The following TULP3 variants were observed in gnomAD, a reference collection of about 807,000 sequenced individuals.
TULP3 encodes tubby-related protein 3.
Under a neutral mutation model 50.7 loss-of-function variants are expected in TULP3, and 38 were observed. The ratio of observed to expected loss-of-function variants is 0.75; its 90% confidence interval spans 0.58 to 0.98. The LOEUF is 0.98. Among genes scored for constraint, TULP3 ranks in the 50% least tolerant of loss-of-function variants. The pLI is 0.00. For synonymous variants in TULP3, 183 were observed against 196.6 expected, an observed-to-expected ratio of 0.93 and a Z score of 0.58; for missense variants, 550 against 568.0, an observed-to-expected ratio of 0.97 and a Z score of 0.32.
chr12:2,911,895 G>A (rs1252091472), intron 2 of TULP3, among the ~76,000 whole-genome samples: 1 of 151,576 alleles, frequency 6.6e-6, no homozygotes, highest in Non-Finnish European at 1.5e-5. Context: ...AGGCTGAGGA[G>A]GAAGGATCCC....
In TULP3 at chr12:2,940,079, T is replaced by C. The variant is rs1262487412; in HGVS notation, c.*635T>C. ...GGCTGTGATCACATTTGTGATCAAT[T>C]ATGTGAGAATTTTATATAATTGTCT... On this transcript the variant is annotated 3_prime_UTR_variant, in exon 11 of 11. Transcript: ENST00000448120. The C allele has an allele frequency of 7.8e-7, 1 of 1,289,418 alleles. No individual in the cohort carries two copies. The highest frequency in any genetic ancestry group is 2.3e-5 in the Admixed American group (1 of 43,540). 79.9% of individuals were successfully genotyped at this position (1,289,418 alleles called of 1,614,324 possible). A position where few individuals can be genotyped will look rare whatever the true frequency, so the allele number is the denominator to read the frequency against.
At chr12:2,936,458 C>G (rs2098201318) in intron 8 of TULP3, among the ~76,000 whole-genome samples, 1 of 150,466 alleles carries the variant, frequency 6.6e-6, no homozygotes, top group South Asian at 2.1e-4. Context: ...ATTTAAGACT[C>G]AAGAGTAAGA....
At chr12:2,912,967 TTC>T (rs1449197975) in intron 2 of TULP3, among the ~76,000 whole-genome samples, 10 of 116,546 alleles carry the variant, frequency 8.6e-5, no homozygotes, top group East Asian at 2.9e-4. Flanking sequence ...CCTTAACACG[TTC>T]TTTTTTTTTT....
intron 1 of TULP3, among the ~76,000 whole-genome samples, chr12:2,892,580 C>T (rs1428637091): frequency 6.6e-6 from 1 of 151,972 alleles, no homozygotes; most frequent in Admixed American, 6.6e-5. Flanking sequence ...GGTGCGATCT[C>T]GGCTAACTGC....
chr12:2,939,626 A>C lies in TULP3; in HGVS notation c.*182A>C. 1 of 1,399,830 alleles carries C rather than the reference A, an allele frequency of 7.1e-7. No individual in the cohort carries two copies. The highest frequency in any genetic ancestry group is 2.6e-4 in the Middle Eastern group (1 of 3,792). 86.7% of individuals were successfully genotyped at this position (1,399,830 alleles called of 1,614,324 possible). A position where few individuals can be genotyped will look rare whatever the true frequency, so the allele number is the denominator to read the frequency against. ...TTTGCCCCTTTTGGAACGACCCCTG[A>C]ATATATAAAACACACACACGAAGAG... On this transcript the variant is annotated 3_prime_UTR_variant, in exon 11 of 11. Transcript: ENST00000448120. This position sits in a 1 kb window ranked among gnomAD's most constrained non-coding sequence, Gnocchi z 4.0.
Position 2,890,986 on chromosome 12 carries a change from C to A in TULP3, c.39C>A (p.Asp13Glu). Residue 13 changes from aspartate to glutamate, a missense_variant and splice_region_variant, in exon 1 of 11, where the codon GAC (aspartate) becomes GAA (glutamate). Physicochemically the swap from Asp to Glu is conservative, Grantham distance 45. Transcript: ENST00000448120. ...ASRCRLSPSG[D>E]SVFHEEMMKM... is the part of the protein sequence containing the mutation. ...GCTGCCGGCTCAGTCCCAGCGGCGA[C>A]AGGTCAGACAGGGCCGTGGCAGGTC... The A allele has an allele frequency of 6.3e-7, 1 of 1,590,520 alleles. No individual in the cohort carries two copies. Among genetic ancestry groups the A allele is most frequent in the Non-Finnish European group, 8.6e-7 (1 of 1,169,396 alleles).
chr12:2,900,513 T>C (rs1318130039), intron 1 of TULP3, among the ~76,000 whole-genome samples: 2 of 152,150 alleles, frequency 1.3e-5, no homozygotes, highest in East Asian at 3.9e-4. Flanking sequence ...ATGGCAAGCT[T>C]TCCTATTCTG....
At chr12:2,929,029 TC>T (rs2098196250) in intron 4 of TULP3, among the ~76,000 whole-genome samples, 1 of 150,894 alleles carries the variant, frequency 6.6e-6, no homozygotes, top group Non-Finnish European at 1.5e-5. Context: ...AGCCTTCCCT[TC>T]CCTTCCAAAT....
At position 2,934,573 on chromosome 12, in the gene TULP3, T is replaced by C; in HGVS notation, c.924+12T>C. 1 of 1,547,176 alleles carries C rather than the reference T, an allele frequency of 6.5e-7. No individual in the cohort carries two copies. The highest frequency in any genetic ancestry group is 8.7e-7 in the Non-Finnish European group (1 of 1,145,318). On this transcript the variant is annotated intron_variant, in intron 8 of 10. Transcript: ENST00000448120. ...CTGCCATCTCCTATGTGAGTGCTGC[T>C]TTCCCAGGGCCGCTGCCTGCCCTCC...
At chr12:2,900,512 T>C (rs2098178505) in intron 1 of TULP3, among the ~76,000 whole-genome samples, 1 of 152,172 alleles carries the variant, frequency 6.6e-6, no homozygotes, top group African/African-American at 2.4e-5. Context: ...GATGGCAAGC[T>C]TTCCTATTCT....
At chr12:2,910,473 G>T (rs1481948271) in intron 2 of TULP3, among the ~76,000 whole-genome samples, 1 of 152,158 alleles carries the variant, frequency 6.6e-6, no homozygotes, top group Admixed American at 6.5e-5. Context: ...ACAAAGGAAG[G>T]ACTAAATGAA....
chr12:2,938,426 A>G, intron 10 of TULP3, 141 bp downstream of exon 10: 1 of 1,032,442 alleles, frequency 9.7e-7, no homozygotes, highest in South Asian at 1.7e-5. Context: ...GGAAAGATGA[A>G]ACTACAGTTT....
At chr12:2,928,624 G>A (rs1344167269) in intron 4 of TULP3, among the ~76,000 whole-genome samples, 1 of 151,882 alleles carries the variant, frequency 6.6e-6, no homozygotes, top group Non-Finnish European at 1.5e-5. Context: ...TTTTACTGTG[G>A]TAAAATATGC....
rs952372300 is a variant in TULP3, at chr12:2,937,969, T to TA, written c.1024-137dup. On this transcript the variant is annotated intron_variant, in intron 9 of 10. Transcript: ENST00000448120. Reference sequence around the variant, plus strand: ...AATGCTGGATGATGTAGAATAATTTTAAAAAAAACCTGTCTTCATTGTTGG... The same window carrying TA: ...AATGCTGGATGATGTAGAATAATTTTAAAAAAAAACCTGTCTTCATTGTTGG... 1.5e-4 allele frequency: 155 copies of TA among 1,000,716 alleles called. 1 individual carries two copies. The highest frequency in any genetic ancestry group is 4.6e-4 in the Admixed American group (16 of 35,160). The allele number at this position is 1,000,716 out of a possible 1,614,324, so 62.0% of individuals were successfully genotyped here.
At chr12:2,893,942 C>T (rs904923174) in intron 1 of TULP3, among the ~76,000 whole-genome samples, 5 of 151,962 alleles carry the variant, frequency 3.3e-5, no homozygotes, top group African/African-American at 1.2e-4. Flanking sequence ...CCAGGCTTGG[C>T]CTATTTTCTT....
At chr12:2,918,546 AC>A (rs1201064637) in intron 2 of TULP3, among the ~76,000 whole-genome samples, 6 of 151,668 alleles carry the variant, frequency 4.0e-5, no homozygotes, top group African/African-American at 1.2e-4. Flanking sequence ...CAGGCAAGTT[AC>A]TTTTTTTTTT....
intron 1 of TULP3, among the ~76,000 whole-genome samples, chr12:2,903,740 C>T (rs2098180588): frequency 6.6e-6 from 1 of 151,986 alleles, no homozygotes; most frequent in Admixed American, 6.6e-5. Flanking sequence ...TCCCTCTATA[C>T]CTTTCACCAA....
chr12:2,898,504 G>A (rs1275419551), intron 1 of TULP3, among the ~76,000 whole-genome samples: 1 of 152,028 alleles, frequency 6.6e-6, no homozygotes, highest in Non-Finnish European at 1.5e-5. Flanking sequence ...AAACGTTTTT[G>A]GTTTTGTGGG....
Position 2,928,387 on chromosome 12 carries a change from G to A in TULP3, c.395-1861G>A, listed in dbSNP as rs1186753728. Among the ~76,000 whole-genome samples the A allele has an allele frequency of 3.3e-5, 5 of 151,932 alleles. No homozygotes were observed. The East Asian group carries it at 5.8e-4, about 18-fold the overall frequency. On this transcript the variant is annotated intron_variant, in intron 4 of 10. Transcript: ENST00000448120. ...CTCTACTAAAAATAAAAAATTAACC[G>A]GATGTGGTGGCACATGCCTGTAATC... is the stretch of plus-strand genomic sequence containing the variant.
Sources: gnomAD v4.1 joint callset for allele counts (sites outside exome capture counted in the v4.1 genomes callset) on GRCh38, gnomAD v4.1.1 for gene constraint, Gnocchi (gnomAD v3.1) non-coding constraint, MANE v1.5 for transcripts, NCBI Gene and HGNC (gene_info 2026-07-23, HGNC 2026-07-21) for gene names.